ZNF655: variants seen among roughly 807,000 people sequenced by gnomAD.
ZNF655 encodes the protein zinc finger protein 655, also known as Vav-interacting Kruppel-like protein 1.
Under a neutral mutation model 6.6 loss-of-function variants are expected in ZNF655, and 3 were observed. The observed-to-expected ratio is 0.46, with a 90% CI of 0.21 to 1.18. The LOEUF (loss-of-function observed/expected upper bound fraction) is 1.18, where lower values mean the gene tolerates loss of function less well. ZNF655 is among the 50% of genes most tolerant of loss of function. The pLI, the probability that ZNF655 is intolerant of heterozygous loss-of-function variation, is 0.24. For synonymous variants in ZNF655, 178 were observed against 195.0 expected, an observed-to-expected ratio of 0.91 and a Z score of 0.73; for missense variants, 526 against 572.3, an observed-to-expected ratio of 0.92 and a Z score of 0.83.
chr7:99,558,883 G>A (rs6947974), intron 1 of ZNF655, 96 bp downstream of exon 1: 19,101 of 152,368 alleles, frequency 0.13, 1,561 homozygotes, highest in African/African-American at 0.22. Flanking sequence ...CGCGGCCGAC[G>A]GTAGTTCGCT....
intron 2 of ZNF655, chr7:99,564,348 G>GA (rs1562933658): frequency 8.8e-7 from 1 of 1,137,806 alleles, no homozygotes; most frequent in African/African-American, 1.6e-5. Context: ...TTTATGTGGC[G>GA]AACACAACCT....
Position 99,560,669 on chromosome 7 carries a change from C to T in ZNF655, c.110C>T (p.Thr37Ile), listed in dbSNP as rs1340134507. ...LSPEPQFVQD[T>I]DMEQGLTGDG... ...CCAGAGCCTCAGTTTGTGCAGGACA[C>T]CGACATGGAACAGGGACTCACTGGG... The change falls in exon 2 of 3, where the codon ACC (threonine) becomes ATC (isoleucine). Residue 37 changes from threonine (T) to isoleucine (I), a missense_variant. By Grantham distance (89) the Thr-to-Ile change is moderately conservative. Coordinates refer to ENST00000252713, the MANE Select transcript of ZNF655 (RefSeq NM_138494.3). 1.2e-6 allele frequency: 2 copies of T among 1,613,988 alleles called. No individual in the cohort carries two copies. Among genetic ancestry groups the T allele is most frequent in the Non-Finnish European group, 1.7e-6 (2 of 1,179,946 alleles).
chr7:99,564,612 C>G (rs975668102), intron 2 of ZNF655: 16 of 985,242 alleles, frequency 1.6e-5, no homozygotes, highest in Non-Finnish European at 1.8e-5. Flanking sequence ...AATTGAATAT[C>G]TACTTAATAA....
intron 2 of ZNF655, chr7:99,560,999 C>T (rs1803101635): frequency 4.5e-6 from 1 of 221,932 alleles, no homozygotes; most frequent in African/African-American, 2.3e-5. Flanking sequence ...AGATATGCTG[C>T]TTTTGCCACA....
chr7:99,561,999 C>T, intron 2 of ZNF655: 1 of 1,537,790 alleles, frequency 6.5e-7, no homozygotes, highest in Non-Finnish European at 8.8e-7. Flanking sequence ...CTCTGCTTTT[C>T]CTCAGGGACT....
intron 2 of ZNF655, among the ~76,000 whole-genome samples, chr7:99,567,646 C>T (rs959519396): frequency 2.0e-5 from 3 of 152,106 alleles, no homozygotes; most frequent in Non-Finnish European, 2.9e-5. Context: ...GCTTGGGTTC[C>T]ACTTACCAGC....
rs117784619 is a variant in ZNF655, at chr7:99,575,070, G to T, written c.*1486G>T. ...ATGCCCAAGGTTTTAGCTGTCTTGT[G>T]TGCATCCACAGTCTGCGAAGAAGAC... On this transcript the variant is annotated 3_prime_UTR_variant, in exon 3 of 3. Coordinates refer to ENST00000252713, the MANE Select transcript of ZNF655 (RefSeq NM_138494.3). 1.3e-5 allele frequency: 2 copies of T among 152,630 alleles called. No homozygotes were observed. Among genetic ancestry groups the T allele is most frequent in the African/African-American group, 2.4e-5 (1 of 41,446 alleles). 9.5% of individuals were successfully genotyped at this position (152,630 alleles called of 1,614,324 possible). A position where few individuals can be genotyped will look rare whatever the true frequency, so the allele number is the denominator to read the frequency against.
intron 2 of ZNF655, chr7:99,562,588 T>C (rs1452369139): frequency 3.0e-6 from 4 of 1,312,826 alleles, no homozygotes; most frequent in Non-Finnish European, 4.1e-6. Context: ...GTCTGTAGAG[T>C]GTGGCTTAGA....
At chr7:99,562,028 T>C in intron 2 of ZNF655, 1 of 1,430,654 alleles carries the variant, frequency 7.0e-7, no homozygotes, top group Non-Finnish European at 9.4e-7. Flanking sequence ...TGATGGAGTG[T>C]GGCCTCTCTC....
intron 2 of ZNF655, among the ~76,000 whole-genome samples, chr7:99,563,422 G>A (rs1215714319): frequency 2.6e-5 from 4 of 152,098 alleles, no homozygotes; most frequent in African/African-American, 7.2e-5. Context: ...AGGTTCAAGC[G>A]ATTCTCCTGC....
At chr7:99,569,851 C>T (rs1451182068) in intron 2 of ZNF655, among the ~76,000 whole-genome samples, 1 of 152,088 alleles carries the variant, frequency 6.6e-6, no homozygotes, top group Non-Finnish European at 1.5e-5. Flanking sequence ...TTTTTTGTTA[C>T]ATGGATGAAT....
In ZNF655 at chr7:99,560,687, T is replaced by G; in HGVS notation, c.128T>G (p.Leu43Arg). The change falls in exon 2 of 3, where the codon CTC becomes CGC. Residue 43 changes from leucine (L) to arginine (R), a missense_variant. Leu to Arg is a moderately radical substitution (Grantham distance 102, BLOSUM62 -2). Coordinates refer to ENST00000252713, the MANE Select transcript of ZNF655 (RefSeq NM_138494.3). ...CAGGACACCGACATGGAACAGGGAC[T>G]CACTGGGGGTAAGGCAGAGAAAGCA... ...FVQDTDMEQG[L>R]TGDGETREEN... 6.2e-7 allele frequency: 1 copy of G among 1,613,570 alleles called. No homozygotes were observed. Among genetic ancestry groups the G allele is most frequent in the Non-Finnish European group, 8.5e-7 (1 of 1,179,674 alleles).
chr7:99,562,270 G>A (rs375976477), intron 2 of ZNF655: 9 of 1,484,764 alleles, frequency 6.1e-6, no homozygotes, highest in Admixed American at 5.9e-5. Flanking sequence ...CCTCCTCAAC[G>A]TAAGTACACA....
intron 2 of ZNF655, chr7:99,563,143 T>C (rs1056245607): frequency 2.2e-6 from 1 of 451,132 alleles, no homozygotes; most frequent in Admixed American, 2.4e-5. Context: ...CATGCTGAGG[T>C]GGGGTCAATG....
rs1172300127 is a variant in ZNF655, at chr7:99,564,088, G to A, written c.136+3393G>A. 3 of 1,577,122 alleles carry A rather than the reference G, an allele frequency of 1.9e-6. No homozygotes were observed. In the African/African-American group the frequency reaches 4.1e-5, roughly 22 times the overall value. ...ATTAAAATTGACTGATGGAATAGAA[G>A]CTCCCCAGGATGCCACCACTGTGTA... is the stretch of plus-strand genomic sequence containing the variant. On this transcript the variant is annotated intron_variant, in intron 2 of 2. Transcript: ENST00000252713.
Position 99,573,423 on chromosome 7 carries a change from A to G in ZNF655, c.1315A>G (p.Asn439Asp), listed in dbSNP as rs780945864. 23 of 1,614,138 alleles carry G rather than the reference A, an allele frequency of 1.4e-5. No individual in the cohort carries two copies. Among genetic ancestry groups the G allele is most frequent in the Non-Finnish European group, 1.9e-5 (22 of 1,180,008 alleles). The change falls in exon 3 of 3, where the codon AAT becomes GAT. Residue 439 changes from asparagine (N) to aspartate (D), a missense_variant. Coordinates refer to ENST00000252713, the MANE Select transcript of ZNF655 (RefSeq NM_138494.3). ...TAGGAAAGAGAAATCGTATGAATGT[A>G]ATGAGTATGAGGGCAGTTTCAGTCA... ...MHRKEKSYEC[N>D]EYEGSFSHSS...
rs1456210654 is a variant in ZNF655 at position 99,563,468 on chromosome 7, G to T, written c.136+2773G>T. On this transcript the variant is annotated intron_variant, in intron 2 of 2. Coordinates refer to ENST00000252713, the MANE Select transcript of ZNF655 (RefSeq NM_138494.3). ...CAAGTAGCTGGGATTACAGGCATGG[G>T]CCACCACGCCCGCCTAATTTTGTAT... 2.0e-5 allele frequency among the ~76,000 whole-genome samples: 3 copies of T among 151,994 alleles called. No homozygotes were observed. In the East Asian group the frequency reaches 5.8e-4, roughly 29 times the overall value.
At chr7:99,564,828 C>G (rs1391712878) in intron 2 of ZNF655, 1 of 442,194 alleles carries the variant, frequency 2.3e-6, no homozygotes, top group Admixed American at 6.4e-5. Context: ...ACTCGACATG[C>G]AGTCGACATG....
chr7:99,572,138 T>C (rs1804132321), intron 2 of ZNF655, 107 bp from the exon 3 acceptor site: 1 of 1,246,096 alleles, frequency 8.0e-7, no homozygotes, highest in Admixed American at 2.6e-5. Context: ...AATAAACTTT[T>C]CTTGTCCTTG....
Sources: gnomAD v4.1 joint callset for allele counts (sites outside exome capture counted in the v4.1 genomes callset) on GRCh38, gnomAD v4.1.1 for gene constraint, MANE v1.5 for transcripts, NCBI Gene and HGNC (gene_info 2026-07-23, HGNC 2026-07-21) for gene names.